GLIPR1L1: variants seen among roughly 807,000 people sequenced by gnomAD.
GLIPR1L1 encodes GLIPR1 like 1.
A neutral mutation model predicts 29.9 loss-of-function variants in GLIPR1L1; 26 were observed. That is an observed-to-expected ratio of 0.87 (90% CI 0.64 to 1.21). GLIPR1L1 has a LOEUF of 1.21. Among genes scored for constraint, GLIPR1L1 ranks in the 50% most tolerant of loss-of-function variants. The pLI is 0.00. For synonymous variants in GLIPR1L1, 77 were observed against 97.5 expected (o/e 0.79, Z 1.24); for missense variants, 305 against 290.3 (o/e 1.05, Z -0.37).
chr12:75,334,788 T>C lies in GLIPR1L1; in HGVS notation c.60T>C (p.Thr20=), dbSNP rs2041602904. 7 of 1,613,948 alleles carry C rather than the reference T, an allele frequency of 4.3e-6. No homozygotes were observed. In the South Asian group the frequency reaches 7.7e-5, roughly 18 times the overall value. ...TCTTGGGTCTGTGTTTGGTAGCCAC[T>C]ACATCTTCCAAAATCCCATCCATCA... ...LWILGLCLVA[T]TSSKIPSITD... The change falls in exon 1 of 6, where the codon ACT becomes ACC. Residue 20 remains threonine (T), a synonymous_variant. Transcript: ENST00000378695.
At position 75,334,899 on chromosome 12, in the gene GLIPR1L1, C is replaced by T. The variant is rs1011652437; in HGVS notation, c.171C>T (p.Tyr57=). 1.2e-6 allele frequency: 2 copies of T among 1,613,200 alleles called. No individual in the cohort carries two copies. Among genetic ancestry groups the T allele is most frequent in the African/African-American group, 2.7e-5 (2 of 74,898 alleles). ...ACCCTCCCGCGGCCGACATGAAATA[C>T]ATGGTGAGAAAGAACCAGGGCTGGG... ...KVNPPAADMK[Y]MIWDKGLAKM... Residue 57 remains tyrosine (Y), a synonymous_variant, in exon 1 of 6, where the codon TAC becomes TAT. Transcript: ENST00000378695.
At chr12:75,348,254 C>T (rs933330324) in intron 3 of GLIPR1L1, among the ~76,000 whole-genome samples, 4 of 152,066 alleles carry the variant, frequency 2.6e-5, no homozygotes, top group Non-Finnish European at 5.9e-5. Flanking sequence ...ACTATAAAAA[C>T]AGTTAATAAC....
At chr12:75,347,295 C>T (rs914085009) in intron 2 of GLIPR1L1, among the ~76,000 whole-genome samples, 2 of 151,850 alleles carry the variant, frequency 1.3e-5, no homozygotes, top group South Asian at 2.1e-4. Context: ...GTATGATATT[C>T]CCAGGGATAG....
chr12:75,337,042 ATAATT>A (rs2041783031), intron 1 of GLIPR1L1, among the ~76,000 whole-genome samples: 1 of 151,860 alleles, frequency 6.6e-6, no homozygotes, highest in South Asian at 2.1e-4. Flanking sequence ...AGAGATTACT[ATAATT>A]TAGATTTGAA....
At chr12:75,341,514 T>C (rs2042107073) in intron 1 of GLIPR1L1, among the ~76,000 whole-genome samples, 1 of 152,152 alleles carries the variant, frequency 6.6e-6, no homozygotes, top group Non-Finnish European at 1.5e-5. Flanking sequence ...TGGCGCTGTC[T>C]CGGCTCACTG....
At chr12:75,364,350 C>A (rs2043822367) in intron 4 of GLIPR1L1, among the ~76,000 whole-genome samples, 1 of 152,326 alleles carries the variant, frequency 6.6e-6, no homozygotes, top group Admixed American at 6.5e-5. Flanking sequence ...TTTACATTCT[C>A]CCCCTTCTGG....
rs1294414290 is a variant in GLIPR1L1 at position 75,367,156 on chromosome 12, G to T, written c.611-2804G>T. On this transcript the variant is annotated intron_variant, in intron 4 of 5. Coordinates refer to ENST00000378695, the MANE Select transcript of GLIPR1L1 (RefSeq NM_001304964.2). ...ACCTCCAAAGTGGAAACCAAATAGGGTACCCAAAAGGCGGGGGGTTCTCCT... is the reference window on the plus strand; with the variant it reads ...ACCTCCAAAGTGGAAACCAAATAGGTTACCCAAAAGGCGGGGGGTTCTCCT... 1.9e-5 allele frequency: 12 copies of T among 615,564 alleles called. 1 individual carries two copies. The Admixed American group carries it at 2.0e-4, about 10-fold the overall frequency. The allele number at this position is 615,564 out of a possible 1,614,324, so 38.1% of individuals were successfully genotyped here. A position where few individuals can be genotyped will look rare whatever the true frequency, so the allele number is the denominator to read the frequency against.
chr12:75,351,921 GGAGAAAT>G lies in GLIPR1L1; in HGVS notation c.521+4204_521+4210del, dbSNP rs201898740. Among the ~76,000 whole-genome samples the G allele has an allele frequency of 7.4e-3, 1,130 of 152,264 alleles. 6 individuals carry two copies. Among genetic ancestry groups the G allele is most frequent in the African/African-American group, 0.025 (1,024 of 41,540 alleles). ...CCAGCCAAACAACATCATAAGCGAA[GGAGAAAT>G]GAGATTTTTTTTCAGACAAGCAAAT... is the stretch of plus-strand genomic sequence containing the variant. On this transcript the variant is annotated intron_variant, in intron 3 of 5. Transcript: ENST00000378695.
chr12:75,357,097 G>T (rs1281302909), intron 3 of GLIPR1L1, among the ~76,000 whole-genome samples: 1 of 152,178 alleles, frequency 6.6e-6, no homozygotes, highest in African/African-American at 2.4e-5. Flanking sequence ...GGCTGAGGTG[G>T]TAGTATAAGT....
At chr12:75,354,173 G>T (rs578039760) in intron 3 of GLIPR1L1, among the ~76,000 whole-genome samples, 3 of 144,360 alleles carry the variant, frequency 2.1e-5, no homozygotes, top group South Asian at 2.4e-4. Flanking sequence ...AAAAGGGGGG[G>T]GGGTATTCAA....
At chr12:75,360,544 A>C (rs2043504915) in intron 3 of GLIPR1L1, 1 of 152,166 alleles carries the variant, frequency 6.6e-6, no homozygotes, top group Admixed American at 6.6e-5. Flanking sequence ...CTCTGAAATA[A>C]TCTCCTTTGG....
intron 4 of GLIPR1L1, chr12:75,369,718 A>C (rs1264798041): frequency 1.0e-6 from 1 of 985,038 alleles, no homozygotes; most frequent in Non-Finnish European, 1.2e-6. Context: ...TCTGGTTTTG[A>C]CTTTTGTGCC....
At position 75,368,282 on chromosome 12, in the gene GLIPR1L1, T is replaced by C. The variant is rs141179717; in HGVS notation, c.611-1678T>C. Among the ~76,000 whole-genome samples the C allele has an allele frequency of 6.3e-3, 956 of 151,804 alleles. 6 individuals are homozygous for C. Among genetic ancestry groups the C allele is most frequent in the African/African-American group, 0.021 (874 of 41,494 alleles). ...CAATTTTTTGCATTTATTTTTAGAATTGTGCTTGGCCATATAATTTTCCTC... is the reference window on the plus strand; with the variant it reads ...CAATTTTTTGCATTTATTTTTAGAACTGTGCTTGGCCATATAATTTTCCTC... On this transcript the variant is annotated intron_variant, in intron 4 of 5. Transcript: ENST00000378695.
chr12:75,356,879 T>C (rs1211460400), intron 3 of GLIPR1L1, among the ~76,000 whole-genome samples: 1 of 152,136 alleles, frequency 6.6e-6, no homozygotes, highest in South Asian at 2.1e-4. Flanking sequence ...AAGTTTACCA[T>C]GCTAACATCA....
At chr12:75,350,998 A>G (rs2042772478) in intron 3 of GLIPR1L1, among the ~76,000 whole-genome samples, 1 of 152,244 alleles carries the variant, frequency 6.6e-6, no homozygotes, top group African/African-American at 2.4e-5. Context: ...TTAGAGAGGA[A>G]CATAAATGAA....
intron 3 of GLIPR1L1, among the ~76,000 whole-genome samples, chr12:75,356,953 G>T (rs1423891069): frequency 1.3e-5 from 2 of 152,116 alleles, no homozygotes; most frequent in East Asian, 3.9e-4. Context: ...TCAAGAGGCT[G>T]ATGTGGGAGA....
chr12:75,358,871 T>C (rs1432100670), intron 3 of GLIPR1L1, among the ~76,000 whole-genome samples: 2 of 144,402 alleles, frequency 1.4e-5, no homozygotes, highest in Non-Finnish European at 3.0e-5. Context: ...TAAACATATA[T>C]AATATATAAT....
intron 1 of GLIPR1L1, among the ~76,000 whole-genome samples, chr12:75,339,997 C>T (rs976663967): frequency 2.0e-5 from 3 of 152,048 alleles, no homozygotes; most frequent in Admixed American, 1.3e-4. Context: ...TGAGAACATA[C>T]AATGTTTCAT....
At chr12:75,358,070 T>C (rs940855716) in intron 3 of GLIPR1L1, among the ~76,000 whole-genome samples, 18 of 151,216 alleles carry the variant, frequency 1.2e-4, no homozygotes, top group Non-Finnish European at 2.5e-4. Flanking sequence ...AAGATTAACA[T>C]TTTATTAATA....
Sources: gnomAD v4.1 joint callset for allele counts (sites outside exome capture counted in the v4.1 genomes callset) on GRCh38, gnomAD v4.1.1 for gene constraint, MANE v1.5 for transcripts, NCBI Gene and HGNC (gene_info 2026-07-23, HGNC 2026-07-21) for gene names.